The following KIF11 variants were observed in gnomAD, a reference collection of about 807,000 sequenced individuals.
KIF11 encodes the protein kinesin family member 11.
A neutral mutation model predicts 121.0 loss-of-function variants in KIF11; 9 were observed. That is an observed-to-expected ratio of 0.07 (90% confidence interval 0.04 to 0.13). The LOEUF (loss-of-function observed/expected upper bound fraction) is 0.13. Among genes scored for constraint, KIF11 ranks in the 10% least tolerant of loss-of-function variants. The pLI is 1.00. For missense variants in KIF11, 846 were observed against 1,217.5 expected, an observed-to-expected ratio of 0.69 and a Z score of 4.54; for synonymous variants, 408 against 421.0, an observed-to-expected ratio of 0.97 and a Z score of 0.38.
At chr10:92,618,571 G>A (rs1372838566) in intron 9 of KIF11, among the ~76,000 whole-genome samples, 2 of 150,678 alleles carry the variant, frequency 1.3e-5, no homozygotes, top group Admixed American at 1.3e-4. Flanking sequence ...GCTTGAACTC[G>A]GGAGACAGGT....
At chr10:92,644,454 A>G (rs1844898690) in intron 17 of KIF11, among the ~76,000 whole-genome samples, 1 of 152,108 alleles carries the variant, frequency 6.6e-6, no homozygotes, top group South Asian at 2.1e-4. Context: ...AGTAGCTGAG[A>G]TTACAGGCAC....
rs532807158 is a variant in KIF11 at position 92,637,167 on chromosome 10, T to C, written c.1876-17T>C. On this transcript the variant is annotated splice_polypyrimidine_tract_variant and intron_variant, in intron 14 of 21. Transcript: ENST00000260731. ...AATATTCTTTTTAAAGACCTATTTG[T>C]TTATTTCTGAAACCAGAATGTACTC... 26 of 1,564,358 alleles carry C rather than the reference T, an allele frequency of 1.7e-5. No homozygotes were observed. The African/African-American group carries it at 3.5e-4, about 21-fold the overall frequency.
Position 92,645,435 on chromosome 10 carries a change from A to C in KIF11, c.2340A>C (p.Ser780=), listed in dbSNP as rs1390321585. ...QKFCADSDGF[S]QELRNFNQEG... is the part of the protein sequence containing the mutation. Reference sequence around the variant, plus strand: ...TTTGTGCTGATTCTGATGGCTTCTCACAGGAACTCAGAAATTTTAACCAAG... The same window carrying C: ...TTTGTGCTGATTCTGATGGCTTCTCCCAGGAACTCAGAAATTTTAACCAAG... Residue 780 remains serine (S), a synonymous_variant, in exon 18 of 22, where the codon TCA becomes TCC. Transcript: ENST00000260731. 6.2e-7 allele frequency: 1 copy of C among 1,613,656 alleles called. No homozygotes were observed. The highest frequency in any genetic ancestry group is 1.7e-5 in the Admixed American group (1 of 60,018).
At chr10:92,606,535 T>C in intron 2 of KIF11, 84 bp from the exon 3 acceptor site, 1 of 1,146,724 alleles carries the variant, frequency 8.7e-7, no homozygotes, top group East Asian at 2.5e-5. Context: ...GGCTGAATTA[T>C]GAATTAGTTA....
intron 14 of KIF11, among the ~76,000 whole-genome samples, chr10:92,634,183 C>G (rs1844770571): frequency 6.6e-6 from 1 of 152,084 alleles, no homozygotes; most frequent in Admixed American, 6.6e-5. Flanking sequence ...TGGGGTTTCA[C>G]CGTGTTAGCC....
chr10:92,608,891 CT>C (rs200628191), intron 4 of KIF11, 128 bp from the exon 5 acceptor site: 1 of 540,298 alleles, frequency 1.9e-6, no homozygotes, highest in Middle Eastern at 5.1e-4. Flanking sequence ...TTAGTTGTTT[CT>C]TTTTTTGTTT....
At chr10:92,604,044 C>G (rs927864171) in intron 1 of KIF11, among the ~76,000 whole-genome samples, 2 of 151,934 alleles carry the variant, frequency 1.3e-5, no homozygotes, top group African/African-American at 4.8e-5. Flanking sequence ...TTTTTTAATC[C>G]TCAATCTCCC....
chr10:92,594,985 G>T (rs1162813229), intron 1 of KIF11, among the ~76,000 whole-genome samples: 2 of 151,978 alleles, frequency 1.3e-5, no homozygotes, highest in African/African-American at 2.4e-5. Flanking sequence ...CTCAGGGGTT[G>T]GTAAGCCTTT....
At chr10:92,650,696 C>T (rs1309609300) in intron 21 of KIF11, among the ~76,000 whole-genome samples, 179 bp downstream of exon 21, 1 of 152,090 alleles carries the variant, frequency 6.6e-6, no homozygotes. Context: ...AAGGGGTTTT[C>T]TGTAGAATAA....
Position 92,593,153 on chromosome 10 carries a change from A to G in KIF11, c.-223A>G, listed in dbSNP as rs1844248696. ...TTAGTTTCTGGGGATTCGGGCGGAG[A>G]CGAGATTAGTGATTTGGCGGCTCCG... On this transcript the variant is annotated 5_prime_UTR_variant, in exon 1 of 22. Transcript: ENST00000260731. The G allele has an allele frequency of 2.0e-6, 1 of 510,976 alleles. No individual in the cohort carries two copies. The highest frequency in any genetic ancestry group is 3.5e-6 in the Non-Finnish European group (1 of 284,134). The allele number at this position is 510,976 out of a possible 1,614,324, so 31.7% of individuals were successfully genotyped here.
intron 6 of KIF11, among the ~76,000 whole-genome samples, chr10:92,611,869 A>T (rs2135904251): frequency 6.6e-6 from 1 of 152,334 alleles, no homozygotes. Context: ...ATTGCACTCT[A>T]GCCTGGGCAA....
chr10:92,650,753 T>C (rs766168352), intron 21 of KIF11, among the ~76,000 whole-genome samples: 3 of 152,146 alleles, frequency 2.0e-5, no homozygotes, highest in Non-Finnish European at 2.9e-5. Context: ...TGATAATCTT[T>C]AGCTATTGTA....
chr10:92,653,472 A>G (rs1845010063), intron 21 of KIF11, among the ~76,000 whole-genome samples, 193 bp from the exon 22 acceptor site: 1 of 152,224 alleles, frequency 6.6e-6, no homozygotes, highest in Non-Finnish European at 1.5e-5. Flanking sequence ...TACTCCTTCC[A>G]TTAGTGATCA....
intron 17 of KIF11, among the ~76,000 whole-genome samples, chr10:92,641,266 A>G (rs1844863615): frequency 6.6e-6 from 1 of 152,222 alleles, no homozygotes; most frequent in East Asian, 1.9e-4. Context: ...GAGGAGAAAG[A>G]TACTATATTT....
At chr10:92,604,759 T>C (rs971458940) in intron 1 of KIF11, among the ~76,000 whole-genome samples, 1 of 152,124 alleles carries the variant, frequency 6.6e-6, no homozygotes, top group Non-Finnish European at 1.5e-5. Context: ...ATGGGAAAAA[T>C]GAACTCAGGT....
chr10:92,623,886 TC>T (rs1844643065), intron 10 of KIF11, among the ~76,000 whole-genome samples: 1 of 152,000 alleles, frequency 6.6e-6, no homozygotes, highest in African/African-American at 2.4e-5. Context: ...GTGTTTGCTC[TC>T]TTTTTTTTTA....
At position 92,655,237 on chromosome 10, in the gene KIF11, T is replaced by C. The variant is rs571583424; in HGVS notation, c.*1441T>C. On this transcript the variant is annotated 3_prime_UTR_variant, in exon 22 of 22. Transcript: ENST00000260731. ...CCAAACCCTATTGAAGAATTGAATA[T>C]ATGCTACTTCAAGAAACTAAATTGA... is the stretch of plus-strand genomic sequence containing the variant. The C allele has an allele frequency of 6.6e-6, 1 of 152,436 alleles. No individual in the cohort carries two copies. The highest frequency in any genetic ancestry group is 6.5e-5 in the Admixed American group (1 of 15,304). 9.4% of individuals were successfully genotyped at this position (152,436 alleles called of 1,614,324 possible). A position where few individuals can be genotyped will look rare whatever the true frequency, so the allele number is the denominator to read the frequency against.
At chr10:92,630,867 C>CAA (rs58123701) in intron 12 of KIF11, among the ~76,000 whole-genome samples, 3,903 of 99,464 alleles carry the variant, frequency 0.039, 370 homozygotes, top group African/African-American at 0.14. Context: ...AACTCCGTCT[C>CAA]AAAAAAAAAA....
intron 14 of KIF11, 112 bp from the exon 15 acceptor site, chr10:92,637,072 T>G: frequency 6.3e-6 from 5 of 792,616 alleles, no homozygotes; most frequent in Non-Finnish European, 7.5e-6. Context: ...AATGGAAATG[T>G]AAATTTTAAT....
Sources: gnomAD v4.1 joint callset for allele counts (sites outside exome capture counted in the v4.1 genomes callset) on GRCh38, gnomAD v4.1.1 for gene constraint, MANE v1.5 for transcripts, NCBI Gene and HGNC (gene_info 2026-07-23, HGNC 2026-07-21) for gene names.